The following PRUNE2 variants were observed in gnomAD, a reference collection of about 807,000 sequenced individuals.
PRUNE2 encodes the protein prune homolog 2 with BCH domain, also known as protein prune homolog 2.
Under a neutral mutation model 252.0 loss-of-function variants are expected in PRUNE2, and 164 were observed. The ratio of observed to expected loss-of-function variants is 0.65; its 90% CI spans 0.57 to 0.74. PRUNE2 has a LOEUF of 0.74. Among genes scored for constraint, PRUNE2 ranks in the 30% least tolerant of loss-of-function variants. The pLI is 0.00. For synonymous variants in PRUNE2, 1,292 were observed against 1,350.2 expected, an observed-to-expected ratio of 0.96 and a Z score of 0.94; for missense variants, 3,495 against 3,711.0, an observed-to-expected ratio of 0.94 and a Z score of 1.51.
chr9:76,624,511 G>A, intron 16 of PRUNE2, 21 bp from the exon 17 acceptor site: 1 of 1,394,248 alleles, frequency 7.2e-7, no homozygotes, highest in Non-Finnish European at 9.4e-7. Flanking sequence ...AAAAATTATT[G>A]GTGTGGAAAA....
intron 6 of PRUNE2, among the ~76,000 whole-genome samples, chr9:76,802,668 C>T (rs978824190): frequency 1.3e-5 from 2 of 151,982 alleles, no homozygotes; most frequent in African/African-American, 4.8e-5. Flanking sequence ...AAACTAAAAT[C>T]AAACAATGGA....
At chr9:76,838,922 T>G (rs1369928410) in intron 4 of PRUNE2, among the ~76,000 whole-genome samples, 1 of 152,198 alleles carries the variant, frequency 6.6e-6, no homozygotes, top group Admixed American at 6.5e-5. Flanking sequence ...TTTTGCATTC[T>G]TTTTGGTGCA....
chr9:76,846,000 A>G (rs958384542), intron 4 of PRUNE2, among the ~76,000 whole-genome samples: 3 of 152,230 alleles, frequency 2.0e-5, no homozygotes, highest in African/African-American at 7.2e-5. Context: ...AGTTTGAGTG[A>G]AGACAGAATA....
At chr9:76,882,828 G>A (rs140450493) in intron 1 of PRUNE2, among the ~76,000 whole-genome samples, 25 of 152,254 alleles carry the variant, frequency 1.6e-4, no homozygotes, top group African/African-American at 5.3e-4. Flanking sequence ...TCCAAACCAG[G>A]TCACGCATGG....
In PRUNE2 at chr9:76,706,843, T is replaced by C; in HGVS notation, c.5431A>G (p.Asn1811Asp). The C allele has an allele frequency of 6.3e-7, 1 of 1,595,986 alleles. No homozygotes were observed. The highest frequency in any genetic ancestry group is 8.5e-7 in the Non-Finnish European group (1 of 1,171,280). ...ATTTCCAGTTGAGAATTATCTTCGT[T>C]CTTTGGGAACGAAGCTTTGGGAGAT... ...QISPKASFPK[N>D]EDNSQLEMLG... is the part of the protein sequence containing the mutation. The change falls in exon 8 of 19, where the codon AAC (asparagine) becomes GAC (aspartate). Residue 1811 changes from asparagine (N) to aspartate (D), a missense_variant. By Grantham distance (23) the Asn-to-Asp change is conservative (BLOSUM62 1). Transcript: ENST00000376718.
chr9:76,695,164 T>G (rs528999355), intron 9 of PRUNE2, among the ~76,000 whole-genome samples: 1 of 152,262 alleles, frequency 6.6e-6, no homozygotes, highest in African/African-American at 2.4e-5. Context: ...GCCTCCCAAG[T>G]AGCTGGGATT....
intron 6 of PRUNE2, among the ~76,000 whole-genome samples, chr9:76,821,229 G>A (rs977808471): frequency 6.6e-6 from 1 of 152,070 alleles, no homozygotes; most frequent in Non-Finnish European, 1.5e-5. Flanking sequence ...AGCAAGATTC[G>A]GAAAGTCATA....
intron 13 of PRUNE2, among the ~76,000 whole-genome samples, chr9:76,637,791 T>C (rs1359382112): frequency 6.6e-6 from 1 of 152,216 alleles, no homozygotes; most frequent in Non-Finnish European, 1.5e-5. Flanking sequence ...GAAAGAATCC[T>C]GACTTTCAAA....
Position 76,746,144 on chromosome 9 carries a change from A to G in PRUNE2, c.757-32423T>C, listed in dbSNP as rs371981151. Among the ~76,000 whole-genome samples the G allele has an allele frequency of 6.6e-5, 10 of 152,210 alleles. No individual in the cohort carries two copies. The East Asian group carries it at 9.6e-4, about 15-fold the overall frequency. ...TGTGGTCTTTGTCCCATCTTCTGGC[A>G]AAAGCTCCTAAAACCCGTGGACTCT... On this transcript the variant is annotated intron_variant, in intron 6 of 18. Transcript: ENST00000376718.
intron 16 of PRUNE2, among the ~76,000 whole-genome samples, chr9:76,626,958 A>G (rs1328861629): frequency 1.3e-5 from 2 of 152,168 alleles, no homozygotes; most frequent in Non-Finnish European, 2.9e-5. Context: ...AAGCCCATTC[A>G]CTTTTCATTC....
chr9:76,892,493 G>A (rs943775616), intron 1 of PRUNE2, among the ~76,000 whole-genome samples: 13 of 152,138 alleles, frequency 8.5e-5, no homozygotes, highest in Non-Finnish European at 1.5e-4. Context: ...GATGTTTGTC[G>A]TAGTAATTAA....
At chr9:76,805,842 G>C (rs2131633112) in intron 6 of PRUNE2, among the ~76,000 whole-genome samples, 1 of 152,284 alleles carries the variant, frequency 6.6e-6, no homozygotes, top group East Asian at 1.9e-4. Context: ...GATGTCCCTG[G>C]ACTGGAATGC....
chr9:76,893,527 G>A lies in PRUNE2; in HGVS notation c.36+12401C>T, dbSNP rs116709052. ...TGCTGAAAGCAGAAGTCCAACAAAG[G>A]GGCCAATTGTAACAAGTGTGGCTCA... On this transcript the variant is annotated intron_variant, in intron 1 of 18. Transcript: ENST00000376718. Among the ~76,000 whole-genome samples the A allele has an allele frequency of 3.3e-3, 509 of 152,244 alleles. 5 individuals are homozygous for A. Among genetic ancestry groups the A allele is most frequent in the African/African-American group, 0.012 (487 of 41,516 alleles).
intron 6 of PRUNE2, among the ~76,000 whole-genome samples, chr9:76,762,131 G>C (rs1162644677): frequency 6.6e-6 from 1 of 152,182 alleles, no homozygotes; most frequent in Non-Finnish European, 1.5e-5. Context: ...AGAATGGTTA[G>C]AACAAGGACC....
At chr9:76,873,124 C>A (rs112963292) in intron 1 of PRUNE2, among the ~76,000 whole-genome samples, 221 of 151,912 alleles carry the variant, frequency 1.5e-3, no homozygotes, top group African/African-American at 4.9e-3. Context: ...CAGTACCTTC[C>A]GAGGAAGCCT....
chr9:76,842,317 TA>T (rs1209737045), intron 4 of PRUNE2, among the ~76,000 whole-genome samples: 1 of 152,194 alleles, frequency 6.6e-6, no homozygotes, highest in Non-Finnish European at 1.5e-5. Context: ...ACCCTTTCCT[TA>T]CACCTTACAA....
chr9:76,621,558 G>A (rs1832328321), intron 17 of PRUNE2, among the ~76,000 whole-genome samples: 1 of 152,190 alleles, frequency 6.6e-6, no homozygotes, highest in South Asian at 2.1e-4. Context: ...TCCAAAGCAA[G>A]AGCATAGACC....
intron 4 of PRUNE2, among the ~76,000 whole-genome samples, chr9:76,841,464 C>A (rs2132354556): frequency 6.6e-6 from 1 of 152,300 alleles, no homozygotes; most frequent in South Asian, 2.1e-4. Context: ...GCCAGTGAGA[C>A]AGAACTGTTC....
intron 9 of PRUNE2, among the ~76,000 whole-genome samples, chr9:76,696,918 C>G (rs930515481): frequency 2.3e-4 from 35 of 152,222 alleles, no homozygotes; most frequent in African/African-American, 8.2e-4. Context: ...AGAATAACAG[C>G]CGTACTGCTC....
Sources: allele counts gnomAD v4.1 joint callset (sites outside exome capture counted in the v4.1 genomes callset), GRCh38; gene constraint gnomAD v4.1.1; transcripts MANE v1.5; gene names NCBI Gene and HGNC (gene_info 2026-07-23, HGNC 2026-07-21).